DCP1B: variants seen among roughly 807,000 people sequenced by gnomAD.
The protein encoded by DCP1B is mRNA-decapping enzyme 1B.
In DCP1B, 47 loss-of-function variants were observed where a neutral mutation model predicts 60.5. That is an observed-to-expected ratio of 0.78 (90% CI 0.61 to 0.99). DCP1B has a LOEUF of 0.99. DCP1B is among the 50% of genes least tolerant of loss of function. The pLI is 0.00. For missense variants in DCP1B, 725 were observed against 756.8 expected, an observed-to-expected ratio of 0.96 and a Z score of 0.49; for synonymous variants, 267 against 280.3, an observed-to-expected ratio of 0.95 and a Z score of 0.47.
At chr12:1,968,064 G>A (rs185735645) in intron 3 of DCP1B, among the ~76,000 whole-genome samples, 154 bp from the exon 4 acceptor site, 1 of 152,134 alleles carries the variant, frequency 6.6e-6, no homozygotes, top group Non-Finnish European at 1.5e-5. Context: ...TGGGGTTAAA[G>A]CTTAAAAATA....
intron 3 of DCP1B, among the ~76,000 whole-genome samples, chr12:1,987,108 G>A (rs1320742763): frequency 1.3e-5 from 2 of 152,108 alleles, no homozygotes; most frequent in Non-Finnish European, 2.9e-5. Flanking sequence ...TTAAAAAAAA[G>A]AACTTACAGG....
At position 1,946,300 on chromosome 12, in the gene DCP1B, C is replaced by G. The variant is rs778662624; in HGVS notation, c.1774-14G>C. On this transcript the variant is annotated splice_polypyrimidine_tract_variant and intron_variant, in intron 8 of 8. Transcript: ENST00000280665. ...GTTGTCATCATTCTGGAAAACAAAT[C>G]GAAAGACCCAAGAGAATGTTACTTG... 1.3e-6 allele frequency: 2 copies of G among 1,590,848 alleles called. No individual in the cohort carries two copies. Among genetic ancestry groups the G allele is most frequent in the Non-Finnish European group, 8.6e-7 (1 of 1,168,772 alleles).
intron 6 of DCP1B, among the ~76,000 whole-genome samples, chr12:1,954,924 G>A (rs1028514800): frequency 8.6e-5 from 13 of 152,046 alleles, no homozygotes; most frequent in South Asian, 4.1e-4. Flanking sequence ...GTGCAGTGGC[G>A]CATTCCATAG....
Position 1,970,661 on chromosome 12 carries a change from A to C in DCP1B, c.320-2751T>G, listed in dbSNP as rs941056171. 3 of 163,076 alleles carry C rather than the reference A, an allele frequency of 1.8e-5. 1 individual carries two copies. In the South Asian group the frequency reaches 4.9e-4, roughly 27 times the overall value. The allele number at this position is 163,076 out of a possible 1,614,324, so 10.1% of individuals were successfully genotyped here. A position where few individuals can be genotyped will look rare whatever the true frequency, so the allele number is the denominator to read the frequency against. ...GGGTCTATCAAAGCAGTCTGTGGAG[A>C]TATATAAAAACCAGAGATCACCATG... On this transcript the variant is annotated intron_variant, in intron 3 of 8. Transcript: ENST00000280665.
In DCP1B at chr12:1,962,774, A is replaced by G. The variant is rs1264983336; in HGVS notation, c.522+2784T>C. Reference sequence around the variant, plus strand: ...ATTAAACTGTGGCTCATTCACATTCATATTCCTTCCTTCACTCAATAGCCA... The same window carrying G: ...ATTAAACTGTGGCTCATTCACATTCGTATTCCTTCCTTCACTCAATAGCCA... On this transcript the variant is annotated intron_variant, in intron 5 of 8. Coordinates refer to ENST00000280665, the MANE Select transcript of DCP1B (RefSeq NM_152640.5). This position sits in a 1 kb window ranked among gnomAD's most constrained non-coding sequence, Gnocchi z 4.4. 6.6e-6 allele frequency among the ~76,000 whole-genome samples: 1 copy of G among 152,210 alleles called. No individual in the cohort carries two copies. Among genetic ancestry groups the G allele is most frequent in the Non-Finnish European group, 1.5e-5 (1 of 68,038 alleles).
chr12:1,952,692 T>C lies in DCP1B; in HGVS notation c.1248A>G (p.Thr416=), dbSNP rs2030724095. The C allele has an allele frequency of 6.2e-7, 1 of 1,614,056 alleles. No individual in the cohort carries two copies. Among genetic ancestry groups the C allele is most frequent in the Non-Finnish European group, 8.5e-7 (1 of 1,180,054 alleles). Reference sequence around the variant, plus strand: ...CTCTTCCATGAGCCTGATGTCCTACTGTCTGAGGTGGAAGGGAGCCATTGA... The same window carrying C: ...CTCTTCCATGAGCCTGATGTCCTACCGTCTGAGGTGGAAGGGAGCCATTGA... ...AYFNGSLPPQ[T]VGHQAHGREQ... The change falls in exon 7 of 9, where the codon ACA becomes ACG. Residue 416 remains threonine, a synonymous_variant. Transcript: ENST00000280665.
chr12:1,946,063 A>C lies in DCP1B; in HGVS notation c.*143T>G. ...TAAAAAACACTTGAGTATAAAAAAA[A>C]GTCTGAAACATTTTACTTCATATTA... On this transcript the variant is annotated 3_prime_UTR_variant, in exon 9 of 9. Coordinates refer to ENST00000280665, the MANE Select transcript of DCP1B (RefSeq NM_152640.5). 3.4e-6 allele frequency: 2 copies of C among 590,172 alleles called. No homozygotes were observed. Among genetic ancestry groups the C allele is most frequent in the Non-Finnish European group, 5.6e-6 (2 of 354,068 alleles). 36.6% of individuals were successfully genotyped at this position (590,172 alleles called of 1,614,324 possible).
Position 1,996,491 on chromosome 12 carries a change from C to T in DCP1B, c.191+1444G>A, listed in dbSNP as rs187430692. Among the ~76,000 whole-genome samples the T allele has an allele frequency of 2.6e-5, 4 of 151,952 alleles. No homozygotes were observed. In the East Asian group the frequency reaches 7.7e-4, roughly 29 times the overall value. On this transcript the variant is annotated intron_variant, in intron 2 of 8. Transcript: ENST00000280665. ...GCTAAGTTCCACCATATTCCTGAGG[C>T]CCAATTCAAGACACATCACTCTATA...
Position 1,952,524 on chromosome 12 carries a change from G to A in DCP1B, c.1416C>T (p.Ala472=). The part of the protein sequence containing the change: ...EQQLHASNRP[A]LAAKFPVLAQ... Reference sequence around the variant, plus strand: ...CGAGCACAGGAAACTTAGCGGCCAAGGCTGGCCGGTTAGAGGCATGCAGCT... The same window carrying A: ...CGAGCACAGGAAACTTAGCGGCCAAAGCTGGCCGGTTAGAGGCATGCAGCT... The change falls in exon 7 of 9, where the codon GCC becomes GCT. Residue 472 remains alanine, a synonymous_variant. Transcript: ENST00000280665. 1.2e-6 allele frequency: 2 copies of A among 1,614,206 alleles called. No individual in the cohort carries two copies. The highest frequency in any genetic ancestry group is 1.7e-6 in the Non-Finnish European group (2 of 1,180,032).
chr12:1,961,154 G>A (rs2031110968), intron 5 of DCP1B, among the ~76,000 whole-genome samples: 1 of 152,160 alleles, frequency 6.6e-6, no homozygotes. Flanking sequence ...AAGAAGGGGT[G>A]GGAACAGTAT....
intron 8 of DCP1B, among the ~76,000 whole-genome samples, chr12:1,947,319 C>T (rs191598732): frequency 5.9e-5 from 9 of 152,294 alleles, no homozygotes; most frequent in Non-Finnish European, 7.4e-5. Context: ...TCTTGGCACC[C>T]CACACAGATT....
At chr12:1,990,103 C>A (rs772890500) in intron 3 of DCP1B, among the ~76,000 whole-genome samples, 1 of 152,198 alleles carries the variant, frequency 6.6e-6, no homozygotes, top group East Asian at 1.9e-4. Context: ...TTTCTTGGTT[C>A]AAGTGGTGTT....
chr12:1,998,692 A>G (rs561681927), intron 1 of DCP1B, among the ~76,000 whole-genome samples: 1 of 152,336 alleles, frequency 6.6e-6, no homozygotes, highest in African/African-American at 2.4e-5. Context: ...CATTTCTCCA[A>G]AGGCAGGAAG....
At chr12:1,945,342 A>G (rs979638767), downstream of DCP1B, among the ~76,000 whole-genome samples, 4 of 152,262 alleles carry the variant, frequency 2.6e-5, no homozygotes, top group Non-Finnish European at 4.4e-5. Context: ...AGTGTAAATT[A>G]GTTCAACCAT....
chr12:1,965,655 G>A lies in DCP1B; in HGVS notation c.425C>T (p.Thr142Ile). Residue 142 changes from threonine to isoleucine, a missense_variant, in exon 5 of 9, where the codon ACT (threonine) becomes ATT (isoleucine). Physicochemically the swap from Thr to Ile is moderately conservative, Grantham distance 89. Transcript: ENST00000280665. ...GATCACTGGGGAAATTCCTGCTCCAGTTCCCTGATGGGCTTTCAACTGTTC... is the reference window on the plus strand; with the variant it reads ...GATCACTGGGGAAATTCCTGCTCCAATTCCCTGATGGGCTTTCAACTGTTC... ...QYEQLKAHQG[T>I]GAGISPVILN... The A allele has an allele frequency of 6.2e-7, 1 of 1,613,916 alleles. No homozygotes were observed. The highest frequency in any genetic ancestry group is 1.3e-5 in the African/African-American group (1 of 75,028).
rs4765872 is a variant in DCP1B, at chr12:1,999,347, T to C, written c.151-1372A>G. On this transcript the variant is annotated intron_variant, in intron 1 of 8. Transcript: ENST00000280665. ...AGCTATTATCAAGAGTAAATGGCTATAAAAAATCATTACCTAGTAACAAAA... is the reference window on the plus strand; with the variant it reads ...AGCTATTATCAAGAGTAAATGGCTACAAAAAATCATTACCTAGTAACAAAA... Among the ~76,000 whole-genome samples, 1,252 of 152,330 alleles carry C rather than the reference T, an allele frequency of 8.2e-3. 58 individuals carry two copies. In the East Asian group the frequency reaches 0.14, roughly 17 times the overall value.
At chr12:1,997,555 C>A (rs1014999333) in intron 2 of DCP1B, among the ~76,000 whole-genome samples, 1 of 152,282 alleles carries the variant, frequency 6.6e-6, no homozygotes, top group South Asian at 2.1e-4. Context: ...CAATGAAACC[C>A]TTTTCCAAAT....
chr12:1,954,208 A>G (rs2030797051), intron 6 of DCP1B, among the ~76,000 whole-genome samples: 1 of 152,058 alleles, frequency 6.6e-6, no homozygotes, highest in Non-Finnish European at 1.5e-5. Flanking sequence ...GAGGAAAGAA[A>G]AAAAACCACA....
At chr12:1,997,536 A>G (rs2041233286) in intron 2 of DCP1B, among the ~76,000 whole-genome samples, 1 of 152,246 alleles carries the variant, frequency 6.6e-6, no homozygotes, top group South Asian at 2.1e-4. Context: ...CAAAAAAAAG[A>G]AAAATGATCA....
Sources: allele counts gnomAD v4.1 joint callset (sites outside exome capture counted in the v4.1 genomes callset), GRCh38; gene constraint gnomAD v4.1.1; non-coding constraint Gnocchi (gnomAD v3.1); transcripts MANE v1.5; gene names NCBI Gene and HGNC (gene_info 2026-07-23, HGNC 2026-07-21).